The following NOL10 variants were observed in gnomAD, a reference collection of about 807,000 sequenced individuals.
NOL10 encodes H_NH0074G24.1.
In NOL10, 58 loss-of-function variants were observed where a neutral mutation model predicts 103.5. That is an observed-to-expected ratio of 0.56 (90% CI 0.45 to 0.70). The LOEUF (loss-of-function observed/expected upper bound fraction) is 0.70. NOL10 is among the 30% of genes least tolerant of loss of function. The pLI is 0.00. For missense variants in NOL10, 763 were observed against 807.3 expected, an observed-to-expected ratio of 0.95 and a Z score of 0.67; for synonymous variants, 287 against 282.5, an observed-to-expected ratio of 1.02 and a Z score of -0.16.
chr2:10,669,802 G>C (rs939579026), intron 6 of NOL10, among the ~76,000 whole-genome samples: 2 of 152,050 alleles, frequency 1.3e-5, no homozygotes, highest in African/African-American at 2.4e-5. Context: ...TGGGGCAGGA[G>C]AATCGCTTGA....
intron 20 of NOL10, among the ~76,000 whole-genome samples, chr2:10,572,978 A>G (rs1572213595): frequency 6.6e-6 from 1 of 152,228 alleles, no homozygotes; most frequent in East Asian, 1.9e-4. Flanking sequence ...GCATCAGTGC[A>G]GAATCCACAA....
chr2:10,638,300 A>AACGTAACGTG (rs1553306368), intron 13 of NOL10, among the ~76,000 whole-genome samples: 16 of 87,090 alleles, frequency 1.8e-4, no homozygotes, highest in Non-Finnish European at 2.8e-4. Context: ...AAAATAACGT[A>AACGTAACGTG]ACGTGACGTG....
chr2:10,650,320 C>T (rs1679377284), intron 12 of NOL10, among the ~76,000 whole-genome samples: 1 of 151,814 alleles, frequency 6.6e-6, no homozygotes, highest in African/African-American at 2.4e-5. Context: ...AGTGCCACTG[C>T]TTCCTGCTAA....
rs945731314 is a variant in NOL10, at chr2:10,587,567, G to A, written c.1844+1476C>T. On this transcript the variant is annotated intron_variant, in intron 19 of 20. Coordinates refer to ENST00000381685, the MANE Select transcript of NOL10 (RefSeq NM_024894.4). ...ATTACAGGCGTGAGCCACCGTGCCC[G>A]GCCTAAATGCACATTTTTTACTTTG... is the stretch of plus-strand genomic sequence containing the variant. 4.0e-5 allele frequency among the ~76,000 whole-genome samples: 6 copies of A among 151,616 alleles called. No individual in the cohort carries two copies. In the East Asian group the frequency reaches 5.8e-4, roughly 15 times the overall value.
At chr2:10,632,239 C>A (rs530675901) in intron 13 of NOL10, among the ~76,000 whole-genome samples, 1 of 152,250 alleles carries the variant, frequency 6.6e-6, no homozygotes, top group South Asian at 2.1e-4. Context: ...CAAAATGACG[C>A]CCCTGCATTC....
intron 13 of NOL10, among the ~76,000 whole-genome samples, chr2:10,634,740 C>T (rs1678085487): frequency 6.6e-6 from 1 of 152,130 alleles, no homozygotes; most frequent in African/African-American, 2.4e-5. Context: ...AAGTCTAGGA[C>T]GTTATCAGCA....
intron 9 of NOL10, among the ~76,000 whole-genome samples, chr2:10,659,845 T>C (rs1680078880): frequency 6.6e-6 from 1 of 152,232 alleles, no homozygotes; most frequent in African/African-American, 2.4e-5. Context: ...GACATAGTTT[T>C]GTTTGGACAT....
chr2:10,673,473 C>G (rs749875393), intron 5 of NOL10, 47 bp downstream of exon 5: 1 of 1,200,652 alleles, frequency 8.3e-7, no homozygotes, highest in East Asian at 2.7e-5. Flanking sequence ...ATTCCACTCA[C>G]TCATTTCTTG....
chr2:10,615,988 T>G (rs1676813049), intron 13 of NOL10, among the ~76,000 whole-genome samples: 1 of 152,102 alleles, frequency 6.6e-6, no homozygotes, highest in Non-Finnish European at 1.5e-5. Flanking sequence ...CATCAAACTG[T>G]GGGACCCTCG....
intron 20 of NOL10, among the ~76,000 whole-genome samples, chr2:10,573,543 C>T (rs1275427463): frequency 6.6e-6 from 1 of 151,754 alleles, no homozygotes; most frequent in Non-Finnish European, 1.5e-5. Flanking sequence ...TGTGTGTTAC[C>T]CTTGAGGAGA....
intron 13 of NOL10, among the ~76,000 whole-genome samples, chr2:10,637,900 T>C (rs1678375774): frequency 6.6e-6 from 1 of 151,892 alleles, no homozygotes; most frequent in African/African-American, 2.4e-5. Context: ...AAATGGTAAA[T>C]GTTAAAATAT....
intron 1 of NOL10, among the ~76,000 whole-genome samples, chr2:10,685,477 G>A (rs1682096392): frequency 2.3e-5 from 2 of 88,026 alleles, no homozygotes; most frequent in Non-Finnish European, 4.0e-5. Context: ...TGGTGACTGA[G>A]AGAGACTCCG....
chr2:10,669,454 T>G (rs541069329), intron 6 of NOL10, among the ~76,000 whole-genome samples: 15 of 142,618 alleles, frequency 1.1e-4, no homozygotes, highest in Non-Finnish European at 1.7e-4. Context: ...TATATATATA[T>G]ATTTTTATTT....
At position 10,630,191 on chromosome 2, in the gene NOL10, T is replaced by C. The variant is rs1677740975; in HGVS notation, c.1026+14129A>G. 2.0e-5 allele frequency among the ~76,000 whole-genome samples: 3 copies of C among 152,242 alleles called. No homozygotes were observed. In the South Asian group the frequency reaches 6.2e-4, roughly 32 times the overall value. On this transcript the variant is annotated intron_variant, in intron 13 of 20. Transcript: ENST00000381685. The stretch of plus-strand genomic sequence containing the variant: ...AACATGAGAAATGACTGAATGAGTA[T>C]ATCCATTCTACATAAATGCCTTACA...
At chr2:10,572,403 T>C (rs1674227156) in intron 20 of NOL10, among the ~76,000 whole-genome samples, 1 of 151,986 alleles carries the variant, frequency 6.6e-6, no homozygotes, top group African/African-American at 2.4e-5. Context: ...AGGCCAACTT[T>C]TACCATCAAT....
At chr2:10,619,365 G>A (rs1315758194) in intron 13 of NOL10, among the ~76,000 whole-genome samples, 2 of 152,056 alleles carry the variant, frequency 1.3e-5, no homozygotes, top group African/African-American at 2.4e-5. Flanking sequence ...TGTTGCCCAG[G>A]CTGGTCTTGA....
chr2:10,667,549 T>A (rs1297161402), intron 7 of NOL10, among the ~76,000 whole-genome samples: 2 of 152,188 alleles, frequency 1.3e-5, no homozygotes, highest in Non-Finnish European at 2.9e-5. Flanking sequence ...TCCACTACCA[T>A]GAGAAGAAAG....
intron 13 of NOL10, among the ~76,000 whole-genome samples, chr2:10,632,259 A>G (rs902561093): frequency 1.3e-5 from 2 of 152,222 alleles, no homozygotes; most frequent in African/African-American, 4.8e-5. Context: ...CATGTCTTAC[A>G]TTACAATGGG....
chr2:10,647,050 G>A (rs1035730513), intron 12 of NOL10, among the ~76,000 whole-genome samples: 5 of 152,142 alleles, frequency 3.3e-5, no homozygotes, highest in African/African-American at 1.2e-4. Context: ...TTATGGCATT[G>A]AGGACTTTTT....
Sources: allele counts gnomAD v4.1 joint callset (sites outside exome capture counted in the v4.1 genomes callset), GRCh38; gene constraint gnomAD v4.1.1; transcripts MANE v1.5; gene names NCBI Gene and HGNC (gene_info 2026-07-23, HGNC 2026-07-21).